The following AP3B2 variants were observed in gnomAD, a reference collection of about 807,000 sequenced individuals.
AP3B2 encodes the protein adaptor related protein complex 3 subunit beta 2.
AP3B2 carries 50 observed loss-of-function variants against 126.9 expected under a neutral mutation model. The ratio of observed to expected loss-of-function variants is 0.39; its 90% CI spans 0.31 to 0.50. AP3B2 has a LOEUF of 0.50. AP3B2 is among the 20% of genes least tolerant of loss of function. AP3B2 has a pLI of 0.79. For synonymous variants in AP3B2, 541 were observed against 565.0 expected (o/e 0.96, Z 0.60); for missense variants, 1,177 against 1,426.4 (o/e 0.83, Z 2.82).
In AP3B2 at chr15:82,665,346, T is replaced by A; in HGVS notation, c.1972-43A>T. On this transcript the variant is annotated intron_variant, in intron 16 of 26. Coordinates refer to ENST00000535359, the MANE Select transcript of AP3B2 (RefSeq NM_001278512.2). The surrounding 1 kb of genome is among the most constrained non-coding windows in gnomAD (Gnocchi z 4.4). The stretch of plus-strand genomic sequence containing the variant: ...GGTGTTAGGAGGGCTGGGCCGGCAC[T>A]GCCAGGGCTCCCTACTGTCTGCCCC... 6.3e-7 allele frequency: 1 copy of A among 1,583,912 alleles called. No individual in the cohort carries two copies. Among genetic ancestry groups the A allele is most frequent in the Non-Finnish European group, 8.6e-7 (1 of 1,168,816 alleles).
At chr15:82,669,706 C>T (rs2048116013) in intron 14 of AP3B2, among the ~76,000 whole-genome samples, 1 of 143,662 alleles carries the variant, frequency 7.0e-6, no homozygotes, top group South Asian at 2.2e-4. Flanking sequence ...AAAAAAAAAT[C>T]AGTAGCATTG....
In AP3B2 at chr15:82,708,393, G is replaced by A. The variant is rs1052888112; in HGVS notation, c.113+1201C>T. 3.3e-5 allele frequency among the ~76,000 whole-genome samples: 5 copies of A among 152,024 alleles called. No homozygotes were observed. In the East Asian group the frequency reaches 5.8e-4, roughly 18 times the overall value. ...TGTTTGGTGGTCTCTTCACATGGACGTGCGTGAAAATCCTCATCTTCTCCC... is the reference window on the plus strand; with the variant it reads ...TGTTTGGTGGTCTCTTCACATGGACATGCGTGAAAATCCTCATCTTCTCCC... On this transcript the variant is annotated intron_variant, in intron 1 of 26. Transcript: ENST00000535359.
chr15:82,688,602 A>C (rs928121136), intron 4 of AP3B2, 134 bp downstream of exon 4: 3 of 834,424 alleles, frequency 3.6e-6, no homozygotes, highest in African/African-American at 1.7e-5. Flanking sequence ...TCTGACTGTG[A>C]CCCTCCCAAT....
At chr15:82,670,118 G>GGGGC (rs1555465724) in intron 14 of AP3B2, among the ~76,000 whole-genome samples, 23 of 136,330 alleles carry the variant, frequency 1.7e-4, no homozygotes, top group Non-Finnish European at 2.9e-4. Flanking sequence ...TTTTTGGCGG[G>GGGGC]GGGGGACGAA....
chr15:82,689,597 CAAGTA>C (rs2048489933), intron 1 of AP3B2, 144 bp from the exon 2 acceptor site: 6 of 681,752 alleles, frequency 8.8e-6, no homozygotes, highest in Non-Finnish European at 5.1e-6. Flanking sequence ...CCAGGGGGAA[CAAGTA>C]AAGTACAGAT....
rs761161009 is a variant in AP3B2 at position 82,664,324 on chromosome 15, GC to G, written c.2261+42del. ...CAATGCTAGCCCTCTTTCCAGGAAA[GC>G]CCCCTGAACCCCACCAGCCATCTGG... On this transcript the variant is annotated intron_variant, in intron 19 of 26. Transcript: ENST00000535359. The surrounding 1 kb of genome is among the most constrained non-coding windows in gnomAD (Gnocchi z 4.5). The G allele has an allele frequency of 1.2e-6, 2 of 1,612,530 alleles. No homozygotes were observed. Among genetic ancestry groups the G allele is most frequent in the Admixed American group, 1.7e-5 (1 of 60,008 alleles).
chr15:82,705,933 G>A (rs1175019885), intron 1 of AP3B2, among the ~76,000 whole-genome samples: 5 of 152,000 alleles, frequency 3.3e-5, no homozygotes, highest in African/African-American at 4.8e-5. Context: ...AAAAACAGCC[G>A]TAGAAGCTGC....
intron 14 of AP3B2, among the ~76,000 whole-genome samples, chr15:82,675,785 T>C (rs2048232502): frequency 6.6e-6 from 1 of 152,234 alleles, no homozygotes; most frequent in Non-Finnish European, 1.5e-5. Flanking sequence ...ATCCCTGTCC[T>C]GCTTAACTGA....
intron 1 of AP3B2, among the ~76,000 whole-genome samples, chr15:82,706,014 G>C (rs1373407780): frequency 6.6e-6 from 1 of 152,116 alleles, no homozygotes; most frequent in Admixed American, 6.5e-5. Context: ...AGGGCTGTGC[G>C]GTTGGAATTC....
Position 82,679,712 on chromosome 15 carries a change from TTC to T in AP3B2, c.1182+15_1182+16del, listed in dbSNP as rs1347349671. 6.2e-7 allele frequency: 1 copy of T among 1,611,040 alleles called. No individual in the cohort carries two copies. The highest frequency in any genetic ancestry group is 1.7e-5 in the Admixed American group (1 of 59,994). ...GGGGAGGGCTGGGAAGCACATGCAC[TTC>T]TGTCCCTCACTCACCTTCAGGATCT... On this transcript the variant is annotated intron_variant, in intron 10 of 26. Coordinates refer to ENST00000535359, the MANE Select transcript of AP3B2 (RefSeq NM_001278512.2).
intron 4 of AP3B2, among the ~76,000 whole-genome samples, chr15:82,683,071 T>G (rs2048371770): frequency 9.5e-6 from 1 of 105,230 alleles, no homozygotes; most frequent in Admixed American, 1.0e-4. Context: ...TTTTTTTTTT[T>G]TTTTTGTAAC....
At chr15:82,693,309 C>G (rs1232953814) in intron 1 of AP3B2, among the ~76,000 whole-genome samples, 1 of 151,116 alleles carries the variant, frequency 6.6e-6, no homozygotes, top group East Asian at 1.9e-4. Flanking sequence ...TGCAATGGCA[C>G]GATCTCGGGT....
In AP3B2 at chr15:82,680,507, G is replaced by A. The variant is rs1428066349; in HGVS notation, c.1020C>T (p.Ile340=). 2 of 1,529,446 alleles carry A rather than the reference G, an allele frequency of 1.3e-6. No homozygotes were observed. Among genetic ancestry groups the A allele is most frequent in the Non-Finnish European group, 8.7e-7 (1 of 1,143,062 alleles). 94.7% of individuals were successfully genotyped at this position (1,529,446 alleles called of 1,614,324 possible). Residue 340 remains isoleucine (I), a synonymous_variant, in exon 8 of 27, where the codon ATC becomes ATT. Transcript: ENST00000535359. The surrounding 1 kb of genome is among the most constrained non-coding windows in gnomAD (Gnocchi z 6.1). ...HLAPKAEVGV[I]AKALVRLLRS... ...GCAGCAGGCGCACCAGCGCCTTGGC[G>A]ATGACGCCCACTTCCGCCTTGGGCG...
At chr15:82,691,976 C>T in intron 1 of AP3B2, 1 of 1,441,832 alleles carries the variant, frequency 6.9e-7, no homozygotes, top group Non-Finnish European at 9.7e-7. Flanking sequence ...ATCGGCATAA[C>T]AGACATCCCC....
At chr15:82,694,700 A>AG (rs2048605441) in intron 1 of AP3B2, among the ~76,000 whole-genome samples, 1 of 152,044 alleles carries the variant, frequency 6.6e-6, no homozygotes, top group East Asian at 1.9e-4. Context: ...AAAAAAAAAA[A>AG]CAAGAAGTAC....
At chr15:82,692,422 TC>T (rs1199779987) in intron 1 of AP3B2, 1 of 446,944 alleles carries the variant, frequency 2.2e-6, no homozygotes, top group Non-Finnish European at 3.9e-6. Flanking sequence ...TCTGAGGCGC[TC>T]AGCCGCACTG....
chr15:82,679,289 A>G (rs765247314), intron 10 of AP3B2, among the ~76,000 whole-genome samples: 2 of 151,946 alleles, frequency 1.3e-5, no homozygotes, highest in African/African-American at 4.8e-5. Context: ...ACGCCTGGCT[A>G]ATTTTTGTAT....
rs2048013586 is a variant in AP3B2, at chr15:82,664,353, A to G, written c.2261+14T>C. 2 of 1,613,590 alleles carry G rather than the reference A, an allele frequency of 1.2e-6. No individual in the cohort carries two copies. The highest frequency in any genetic ancestry group is 1.7e-6 in the Non-Finnish European group (2 of 1,179,812). On this transcript the variant is annotated intron_variant, in intron 19 of 26. Transcript: ENST00000535359. The surrounding 1 kb of genome is among the most constrained non-coding windows in gnomAD (Gnocchi z 4.5). ...CCTGAACCCCACCAGCCATCTGGCTAGCTCCCTTCTCACCTCTCACTGCCT... is the reference window on the plus strand; with the variant it reads ...CCTGAACCCCACCAGCCATCTGGCTGGCTCCCTTCTCACCTCTCACTGCCT...
chr15:82,677,931 C>T (rs1015893403), intron 11 of AP3B2, 128 bp from the exon 12 acceptor site: 14 of 1,338,502 alleles, frequency 1.0e-5, no homozygotes, highest in South Asian at 1.5e-5. Flanking sequence ...GGGGTGACAA[C>T]TCCACCCCCA....
Sources: allele counts gnomAD v4.1 joint callset (sites outside exome capture counted in the v4.1 genomes callset), GRCh38; gene constraint gnomAD v4.1.1; non-coding constraint Gnocchi (gnomAD v3.1); transcripts MANE v1.5; gene names NCBI Gene and HGNC (gene_info 2026-07-23, HGNC 2026-07-21).